Variants in CNTN5 observed in about 807,000 individuals in gnomAD.
The protein encoded by CNTN5 is contactin 5, also known as contactin-5.
In CNTN5, 77 loss-of-function variants were observed where a neutral mutation model predicts 129.1. The observed-to-expected ratio is 0.60, with a 90% CI of 0.50 to 0.72. The LOEUF (loss-of-function observed/expected upper bound fraction) is 0.72. CNTN5 is among the 30% of genes least tolerant of loss of function. The probability of loss-of-function intolerance (pLI) is 0.00; values close to 1 mark genes in which losing one functional copy is unlikely to be tolerated. For missense variants in CNTN5, 1,478 were observed against 1,328.8 expected, an observed-to-expected ratio of 1.11 and a Z score of -1.75; for synonymous variants, 509 against 465.6, an observed-to-expected ratio of 1.09 and a Z score of -1.20.
rs76665301 is a variant in CNTN5 at position 99,939,046 on chromosome 11, T to C, written c.674-17760T>C. Among the ~76,000 whole-genome samples the C allele has an allele frequency of 7.9e-3, 1,201 of 152,200 alleles. 6 individuals are homozygous for C. Among genetic ancestry groups the C allele is most frequent in the Non-Finnish European group, 0.014 (920 of 67,946 alleles). On this transcript the variant is annotated intron_variant, in intron 7 of 24. Transcript: ENST00000524871. ...CCACAGTAGACTGACTACCTTTTATTGAGCTGATTTATCAACCCTCCGGTG... is the reference window on the plus strand; with the variant it reads ...CCACAGTAGACTGACTACCTTTTATCGAGCTGATTTATCAACCCTCCGGTG...
chr11:99,511,094 A>G (rs76386424), intron 2 of CNTN5, among the ~76,000 whole-genome samples: 10,002 of 152,024 alleles, frequency 0.066, 361 homozygotes, highest in African/African-American at 0.098. Flanking sequence ...ATTAAATAGA[A>G]AAAATCTTAT....
intron 1 of CNTN5, among the ~76,000 whole-genome samples, chr11:99,255,789 AAC>A (rs1308599197): frequency 7.3e-5 from 11 of 150,804 alleles, no homozygotes; most frequent in Non-Finnish European, 1.0e-4. Context: ...TACATGCATA[AAC>A]ACACACACGC....
intron 2 of CNTN5, among the ~76,000 whole-genome samples, chr11:99,328,405 T>C (rs1415781387): frequency 2.6e-5 from 4 of 152,144 alleles, no homozygotes; most frequent in Admixed American, 6.6e-5. Context: ...CCACACAAAA[T>C]TGTTATTCAA....
rs146428653 is a variant in CNTN5 at position 100,002,875 on chromosome 11, A to G, written c.980+739A>G. On this transcript the variant is annotated intron_variant, in intron 9 of 24. Transcript: ENST00000524871. ...TTTTTTTTTAGGATGCTAAGACTTC[A>G]GGGTTCTTTCTAGACACTATAATTT... 3.0e-3 allele frequency among the ~76,000 whole-genome samples: 452 copies of G among 152,108 alleles called. 2 individuals are homozygous for G. Among genetic ancestry groups the G allele is most frequent in the African/African-American group, 0.01 (429 of 41,504 alleles).
chr11:99,541,761 C>T (rs886084594), intron 2 of CNTN5, among the ~76,000 whole-genome samples: 2 of 151,848 alleles, frequency 1.3e-5, no homozygotes, highest in Non-Finnish European at 2.9e-5. Flanking sequence ...CTAGGCTGGG[C>T]GACAAAGTGA....
intron 2 of CNTN5, among the ~76,000 whole-genome samples, chr11:99,453,225 ATAG>A (rs1944375631): frequency 6.6e-6 from 1 of 152,198 alleles, no homozygotes; most frequent in Non-Finnish European, 1.5e-5. Context: ...TTTTTTAGAC[ATAG>A]TAGTTAGAGA....
intron 16 of CNTN5, among the ~76,000 whole-genome samples, chr11:100,245,046 G>T (rs1949814806): frequency 6.6e-6 from 1 of 151,966 alleles, no homozygotes; most frequent in Admixed American, 6.6e-5. Flanking sequence ...ATAATATAAA[G>T]CCTAACTCAA....
intron 6 of CNTN5, among the ~76,000 whole-genome samples, chr11:99,886,785 A>G (rs1174773758): frequency 6.6e-6 from 1 of 152,240 alleles, no homozygotes; most frequent in Admixed American, 6.5e-5. Flanking sequence ...AATAGCATGA[A>G]GAACCCTTAA....
At chr11:100,079,824 G>A (rs1944289163) in intron 13 of CNTN5, among the ~76,000 whole-genome samples, 1 of 152,014 alleles carries the variant, frequency 6.6e-6, no homozygotes, top group Admixed American at 6.6e-5. Context: ...TTCTCCTCTA[G>A]CAGACCTTCA....
intron 2 of CNTN5, among the ~76,000 whole-genome samples, chr11:99,540,608 A>G (rs1476507514): frequency 2.0e-5 from 3 of 152,214 alleles, no homozygotes; most frequent in Non-Finnish European, 4.4e-5. Flanking sequence ...GAGACTTAAA[A>G]TATAGAGCAG....
At chr11:99,511,503 A>G (rs565669440) in intron 2 of CNTN5, among the ~76,000 whole-genome samples, 8,045 of 150,794 alleles carry the variant, frequency 0.053, 217 homozygotes, top group South Asian at 0.07. Context: ...GTGGTGCTGA[A>G]AAGAATGTAT....
chr11:99,702,657 A>G (rs1163380780), intron 3 of CNTN5, among the ~76,000 whole-genome samples: 1 of 150,972 alleles, frequency 6.6e-6, no homozygotes, highest in African/African-American at 2.4e-5. Context: ...AGCAGCATTT[A>G]AGCACTACTT....
At chr11:99,486,346 G>A (rs1945810971) in intron 2 of CNTN5, among the ~76,000 whole-genome samples, 1 of 152,052 alleles carries the variant, frequency 6.6e-6, no homozygotes, top group Admixed American at 6.5e-5. Context: ...GGAAAAGTAA[G>A]CTTTGAAAAG....
intron 17 of CNTN5, among the ~76,000 whole-genome samples, chr11:100,267,280 C>CACACACACACAG (rs371454644): frequency 0.12 from 17,108 of 147,956 alleles, 1,211 homozygotes; most frequent in South Asian, 0.25. Flanking sequence ...CACACACACA[C>CACACACACACAG]AGAGAGAGAG....
chr11:99,032,527 G>T (rs1336987505), intron 1 of CNTN5, among the ~76,000 whole-genome samples: 1 of 151,716 alleles, frequency 6.6e-6, no homozygotes, highest in Non-Finnish European at 1.5e-5. Flanking sequence ...GTGATGGTGA[G>T]CATTTTTTCA....
intron 2 of CNTN5, among the ~76,000 whole-genome samples, chr11:99,425,027 G>A (rs1943058054): frequency 6.6e-6 from 1 of 152,118 alleles, no homozygotes; most frequent in South Asian, 2.1e-4. Flanking sequence ...TCCTTTCTAT[G>A]GGCAGGTTAT....
At chr11:99,158,051 A>G (rs1398726563) in intron 1 of CNTN5, among the ~76,000 whole-genome samples, 1 of 152,196 alleles carries the variant, frequency 6.6e-6, no homozygotes, top group Non-Finnish European at 1.5e-5. Flanking sequence ...TCAAATAGAC[A>G]TAATGTATCT....
intron 8 of CNTN5, among the ~76,000 whole-genome samples, chr11:99,975,964 T>C (rs895596130): frequency 6.6e-6 from 1 of 152,156 alleles, no homozygotes. Flanking sequence ...CCTTTCCACC[T>C]AGGAGCCCGT....
chr11:99,729,870 G>C (rs192403207), intron 3 of CNTN5, among the ~76,000 whole-genome samples: 5 of 152,242 alleles, frequency 3.3e-5, no homozygotes, highest in Admixed American at 2.0e-4. Context: ...GACACGGGGA[G>C]GGGAACAACA....
Sources: allele counts gnomAD v4.1 joint callset (sites outside exome capture counted in the v4.1 genomes callset), GRCh38; gene constraint gnomAD v4.1.1; transcripts MANE v1.5; gene names NCBI Gene and HGNC (gene_info 2026-07-23, HGNC 2026-07-21).